Variants in NEDD9 observed in about 807,000 individuals in gnomAD.
NEDD9 encodes enhancer of filamentation 1.
NEDD9 carries 26 observed loss-of-function variants against 76.6 expected under a neutral mutation model. The ratio of observed to expected loss-of-function variants is 0.34; its 90% CI spans 0.25 to 0.47. The LOEUF (loss-of-function observed/expected upper bound fraction) is 0.47, where lower values mean the gene tolerates loss of function less well. Ranked by LOEUF, NEDD9 falls within the 20% of genes least tolerant of loss-of-function variation. The pLI is 1.00. For missense variants in NEDD9, 937 were observed against 1,058.5 expected (o/e 0.89, Z 1.59); for synonymous variants, 392 against 414.2 (o/e 0.95, Z 0.65).
intron 3 of NEDD9, among the ~76,000 whole-genome samples, chr6:11,256,071 T>C (rs535728345): frequency 4.6e-5 from 7 of 152,216 alleles, no homozygotes; most frequent in African/African-American, 1.7e-4. Flanking sequence ...CCCAAGTCAC[T>C]ATGCATGGTT....
chr6:11,279,157 A>C (rs1760477996), intron 3 of NEDD9, among the ~76,000 whole-genome samples: 1 of 152,238 alleles, frequency 6.6e-6, no homozygotes, highest in Non-Finnish European at 1.5e-5. Context: ...ATATTCTTTA[A>C]TAGGGTGAAC....
At chr6:11,282,563 C>T (rs1341119218) in intron 3 of NEDD9, among the ~76,000 whole-genome samples, 1 of 152,230 alleles carries the variant, frequency 6.6e-6, no homozygotes, top group African/African-American at 2.4e-5. Context: ...GCTGTCCCTC[C>T]TCCAACCTTC....
intron 1 of NEDD9, among the ~76,000 whole-genome samples, chr6:11,368,573 C>T (rs1476058392): frequency 6.6e-6 from 1 of 152,228 alleles, no homozygotes; most frequent in Non-Finnish European, 1.5e-5. Context: ...GACTGACACA[C>T]AGAAGGGTCT....
chr6:11,381,253 C>T (rs1443230857), intron 1 of NEDD9, among the ~76,000 whole-genome samples: 2 of 152,202 alleles, frequency 1.3e-5, no homozygotes, highest in Non-Finnish European at 2.9e-5. Context: ...AAACCAGCTT[C>T]TGGGCAGGGG....
At position 11,213,394 on chromosome 6, in the gene NEDD9, C is replaced by T. The variant is rs767547557; in HGVS notation, c.346G>A (p.Gly116Arg). Residue 116 changes from glycine to arginine, a missense_variant, in exon 2 of 7, where the codon GGA (glycine) becomes AGA (arginine). Physicochemically the swap from Gly to Arg is moderately radical, Grantham distance 125. Transcript: ENST00000379446. This position sits in a 1 kb window ranked among gnomAD's most constrained non-coding sequence, Gnocchi z 5.4. ...TGGCCAGTGGGGACTTGGTAAATTC[C>T]CTGATTTTGGTAGGAAGGTGGCACT... ...YQVPPSYQNQGIYQVPTGHGT... is the reference protein window; with the variant it reads ...YQVPPSYQNQRIYQVPTGHGT... 3.7e-6 allele frequency: 6 copies of T among 1,613,818 alleles called. No homozygotes were observed. In the South Asian group the frequency reaches 6.6e-5, roughly 18 times the overall value.
chr6:11,365,738 C>T (rs1762751234), intron 1 of NEDD9, among the ~76,000 whole-genome samples: 1 of 152,192 alleles, frequency 6.6e-6, no homozygotes, highest in Admixed American at 6.5e-5. Context: ...GCCTGTAATC[C>T]CAGCACTTTG....
chr6:11,244,990 C>G (rs530237546), intron 3 of NEDD9, among the ~76,000 whole-genome samples: 2 of 152,192 alleles, frequency 1.3e-5, no homozygotes, highest in Non-Finnish European at 2.9e-5. Context: ...TGCTGACTAA[C>G]CCTCTACTGG....
At chr6:11,326,114 C>G (rs1180251417) in intron 2 of NEDD9, among the ~76,000 whole-genome samples, 1 of 149,378 alleles carries the variant, frequency 6.7e-6, no homozygotes, top group Non-Finnish European at 1.5e-5. Flanking sequence ...CCACTGTACT[C>G]TAGCCTGGGC....
At chr6:11,220,687 A>G (rs1759114070) in intron 1 of NEDD9, among the ~76,000 whole-genome samples, 1 of 152,190 alleles carries the variant, frequency 6.6e-6, no homozygotes, top group Non-Finnish European at 1.5e-5. Flanking sequence ...AAAAGATCTG[A>G]TGCTCACTGC....
At chr6:11,258,584 A>G (rs1760050045) in intron 3 of NEDD9, 1 of 152,014 alleles carries the variant, frequency 6.6e-6, no homozygotes, top group South Asian at 2.1e-4. Context: ...TGTAATCTGA[A>G]CTACAGGTTG....
At chr6:11,218,157 A>G (rs1397193663) in intron 1 of NEDD9, among the ~76,000 whole-genome samples, 1 of 152,150 alleles carries the variant, frequency 6.6e-6, no homozygotes, top group Non-Finnish European at 1.5e-5. Flanking sequence ...ATCCAGTCTA[A>G]TGGGCATCTT....
intron 3 of NEDD9, among the ~76,000 whole-genome samples, chr6:11,246,345 C>A (rs1177547345): frequency 6.6e-6 from 1 of 152,198 alleles, no homozygotes; most frequent in African/African-American, 2.4e-5. Context: ...TCCTCCCTGA[C>A]AGGCTCAGTC....
At chr6:11,193,472 A>G (rs909223385) in intron 3 of NEDD9, 119 bp downstream of exon 3, 2 of 643,882 alleles carry the variant, frequency 3.1e-6, no homozygotes, top group African/African-American at 3.7e-5. Context: ...GACAACCTAA[A>G]CAAAGCTTCA....
chr6:11,183,620 A>T lies in NEDD9; in HGVS notation c.*1542T>A, dbSNP rs1202349756. ...TATAATAGCAGTTGTTTTGAAAAGC[A>T]CCTTCTATGATCATTTATTTCCACT... On this transcript the variant is annotated 3_prime_UTR_variant, in exon 7 of 7. Coordinates refer to ENST00000379446, the MANE Select transcript of NEDD9 (RefSeq NM_006403.4). 1 of 151,850 alleles carries T rather than the reference A, an allele frequency of 6.6e-6. No individual in the cohort carries two copies. Among genetic ancestry groups the T allele is most frequent in the Non-Finnish European group, 1.5e-5 (1 of 67,996 alleles). 9.4% of individuals were successfully genotyped at this position (151,850 alleles called of 1,614,324 possible).
At chr6:11,320,665 TAC>T (rs1307476222) in intron 2 of NEDD9, among the ~76,000 whole-genome samples, 2 of 152,202 alleles carry the variant, frequency 1.3e-5, no homozygotes, top group African/African-American at 4.8e-5. Flanking sequence ...GAGGATTGGC[TAC>T]ATAAATGATG....
intron 3 of NEDD9, among the ~76,000 whole-genome samples, chr6:11,245,052 G>T (rs1759781787): frequency 6.6e-6 from 1 of 152,194 alleles, no homozygotes; most frequent in Admixed American, 6.5e-5. Context: ...TGCACCCCCT[G>T]TGGCAGCACA....
intron 3 of NEDD9, among the ~76,000 whole-genome samples, chr6:11,294,270 T>C (rs78871386): frequency 0.01 from 1,564 of 152,310 alleles, 25 homozygotes; most frequent in African/African-American, 0.036. Flanking sequence ...CCATAACGAC[T>C]ATACCAGCTA....
intron 1 of NEDD9, among the ~76,000 whole-genome samples, chr6:11,225,858 A>G (rs1759294602): frequency 1.4e-5 from 2 of 147,578 alleles, no homozygotes; most frequent in Admixed American, 1.4e-4. Context: ...TGTGGGGCCC[A>G]GGAATATGTA....
chr6:11,256,921 T>G (rs938337073), intron 3 of NEDD9, among the ~76,000 whole-genome samples: 28 of 152,238 alleles, frequency 1.8e-4, no homozygotes, highest in Non-Finnish European at 1.5e-5. Context: ...TGACCCACTC[T>G]CACTCACCTT....
Sources: allele counts gnomAD v4.1 joint callset (sites outside exome capture counted in the v4.1 genomes callset), GRCh38; gene constraint gnomAD v4.1.1; non-coding constraint Gnocchi (gnomAD v3.1); transcripts MANE v1.5; gene names NCBI Gene and HGNC (gene_info 2026-07-23, HGNC 2026-07-21).